Variants in TSHR observed in about 807,000 individuals in gnomAD.
TSHR encodes the protein thyrotropin receptor.
A neutral mutation model predicts 64.1 loss-of-function variants in TSHR; 51 were observed. That is an observed-to-expected ratio of 0.80 (90% CI 0.64 to 1.01). The LOEUF is 1.01. Among genes scored for constraint, TSHR ranks in the 50% least tolerant of loss-of-function variants. The pLI, the probability that TSHR is intolerant of heterozygous loss-of-function variation, is 0.00. For missense variants in TSHR, 877 were observed against 942.8 expected, an observed-to-expected ratio of 0.93 and a Z score of 0.91; for synonymous variants, 361 against 361.9, an observed-to-expected ratio of 1.00 and a Z score of 0.03.
intron 3 of TSHR, among the ~76,000 whole-genome samples, chr14:81,085,108 T>C (rs1485301879): frequency 6.6e-6 from 1 of 152,104 alleles, no homozygotes; most frequent in East Asian, 1.9e-4. Flanking sequence ...ATTACAGACA[T>C]AAGCCACCAC....
chr14:80,959,784 G>A (rs1886918809), intron 1 of TSHR, among the ~76,000 whole-genome samples: 1 of 152,124 alleles, frequency 6.6e-6, no homozygotes, highest in African/African-American at 2.4e-5. Flanking sequence ...CTAATTGATG[G>A]ACTCTCCTAC....
At chr14:80,976,085 GT>G (rs1887857570) in intron 1 of TSHR, among the ~76,000 whole-genome samples, 1 of 152,072 alleles carries the variant, frequency 6.6e-6, no homozygotes, top group Non-Finnish European at 1.5e-5. Flanking sequence ...CTAATTTTTT[GT>G]ATTTTTACTA....
chr14:81,110,579 A>G (rs1368957009), intron 8 of TSHR, among the ~76,000 whole-genome samples: 1 of 152,264 alleles, frequency 6.6e-6, no homozygotes, highest in African/African-American at 2.4e-5. Context: ...CCATAGCTCT[A>G]GCAAAGTAAT....
At chr14:80,980,800 A>G (rs2139720490) in intron 1 of TSHR, among the ~76,000 whole-genome samples, 1 of 152,226 alleles carries the variant, frequency 6.6e-6, no homozygotes, top group Middle Eastern at 3.4e-3. Context: ...TGTGTTTTCT[A>G]ATATGATATC....
chr14:81,070,254 C>T lies in TSHR; in HGVS notation c.317+1926C>T, dbSNP rs143125683. ...CGTATGTTAGAAGTACTGCAAACCCCGAAAGGATAAATACGAAGAAAGCTA... is the reference window on the plus strand; with the variant it reads ...CGTATGTTAGAAGTACTGCAAACCCTGAAAGGATAAATACGAAGAAAGCTA... On this transcript the variant is annotated intron_variant, in intron 3 of 9. Transcript: ENST00000298171. Among the ~76,000 whole-genome samples the T allele has an allele frequency of 2.5e-3, 373 of 152,092 alleles. 2 individuals carry two copies. The highest frequency in any genetic ancestry group is 8.6e-3 in the African/African-American group (357 of 41,500).
chr14:81,111,105 T>C (rs974008106), intron 8 of TSHR, among the ~76,000 whole-genome samples: 3 of 152,196 alleles, frequency 2.0e-5, no homozygotes, highest in South Asian at 4.1e-4. Flanking sequence ...TTTTTACTTA[T>C]TAATATGTGA....
At chr14:81,022,397 G>A (rs975477342) in intron 1 of TSHR, among the ~76,000 whole-genome samples, 3 of 152,228 alleles carry the variant, frequency 2.0e-5, no homozygotes, top group African/African-American at 7.2e-5. Flanking sequence ...TTCTGGCTGT[G>A]GCTGAGGGGG....
chr14:80,986,297 A>G (rs1270587661), intron 1 of TSHR, among the ~76,000 whole-genome samples: 1 of 152,156 alleles, frequency 6.6e-6, no homozygotes, highest in Non-Finnish European at 1.5e-5. Context: ...GAGAGCTGGT[A>G]AAAAATACAG....
chr14:81,079,342 C>G (rs1887727548), intron 3 of TSHR, among the ~76,000 whole-genome samples: 1 of 152,144 alleles, frequency 6.6e-6, no homozygotes, highest in African/African-American at 2.4e-5. Context: ...GGCCAGCACT[C>G]CACTAAAAGT....
Position 81,130,927 on chromosome 14 carries a change from C to A in TSHR, c.693-8752C>A, listed in dbSNP as rs1449334031. ...AATGGCGTGAACCCGGGAAGCGGAG[C>A]TTGCAGTGAGCCGAGATTGCGCCAC... On this transcript the variant is annotated intron_variant, in intron 8 of 9. Coordinates refer to ENST00000298171, the MANE Select transcript of TSHR (RefSeq NM_000369.5). Among the ~76,000 whole-genome samples, 4 of 87,730 alleles carry A rather than the reference C, an allele frequency of 4.6e-5. No individual in the cohort carries two copies. In the South Asian group the frequency reaches 1.9e-3, roughly 42 times the overall value. 57.6% of individuals were successfully genotyped at this position (87,730 alleles called of 152,430 possible). A position where few individuals can be genotyped will look rare whatever the true frequency, so the allele number is the denominator to read the frequency against.
intron 7 of TSHR, among the ~76,000 whole-genome samples, chr14:81,106,417 AT>A (rs1407898463): frequency 6.6e-6 from 1 of 152,174 alleles, no homozygotes; most frequent in Non-Finnish European, 1.5e-5. Context: ...AAGTATGTTG[AT>A]TTATTTTCTA....
At chr14:80,986,229 T>C (rs910270519) in intron 1 of TSHR, among the ~76,000 whole-genome samples, 10 of 152,174 alleles carry the variant, frequency 6.6e-5, no homozygotes, top group African/African-American at 1.9e-4. Flanking sequence ...ATCTTTCAGT[T>C]CCTAGATTAT....
chr14:81,120,825 T>C (rs1162420513), intron 8 of TSHR, among the ~76,000 whole-genome samples: 1 of 152,102 alleles, frequency 6.6e-6, no homozygotes, highest in Non-Finnish European at 1.5e-5. Context: ...TTATAACAAA[T>C]ATCCTCAGAG....
Position 81,142,946 on chromosome 14 carries a change from T to C in TSHR, c.888T>C (p.Leu296=). Reference sequence around the variant, plus strand: ...CTTTTCTGTTGCCTTGCAGAATCCTTGAGTCCTTGATGTGTAATGAGAGCA... The same window carrying C: ...CTTTTCTGTTGCCTTGCAGAATCCTCGAGTCCTTGATGTGTAATGAGAGCA... ...FKNQKKIRGI[L]ESLMCNESSM... is the part of the protein sequence containing the mutation. Residue 296 remains leucine (L), a synonymous_variant, in exon 10 of 10, where the codon CTT becomes CTC. Transcript: ENST00000298171. 1.2e-6 allele frequency: 2 copies of C among 1,614,062 alleles called. No homozygotes were observed. Among genetic ancestry groups the C allele is most frequent in the Non-Finnish European group, 8.5e-7 (1 of 1,180,000 alleles).
intron 1 of TSHR, among the ~76,000 whole-genome samples, chr14:81,020,674 T>G (rs1187096468): frequency 6.6e-6 from 1 of 152,196 alleles, no homozygotes; most frequent in Admixed American, 6.5e-5. Flanking sequence ...ATCAAAACCC[T>G]AAAAGTGAGT....
chr14:81,066,305 C>T (rs1595038500), intron 2 of TSHR, among the ~76,000 whole-genome samples: 3 of 152,338 alleles, frequency 2.0e-5, no homozygotes, highest in Non-Finnish European at 2.9e-5. Context: ...ATGAATCTTG[C>T]TCTGCTAGCT....
At chr14:80,997,220 G>A (rs1889069750) in intron 1 of TSHR, among the ~76,000 whole-genome samples, 1 of 152,134 alleles carries the variant, frequency 6.6e-6, no homozygotes. Flanking sequence ...AAAGCTCCAT[G>A]CTTTTCATCT....
rs766175371 is a variant in TSHR at position 81,143,754 on chromosome 14, G to A, written c.1696G>A (p.Val566Ile). 6.8e-6 allele frequency: 11 copies of A among 1,614,020 alleles called. No homozygotes were observed. The South Asian group carries it at 1.1e-4, about 16-fold the overall frequency. The stretch of plus-strand genomic sequence containing the variant: ...GGTGGGAATAAGTAGCTATGCCAAA[G>A]TCAGTATCTGCCTGCCCATGGACAC... ...PLVGISSYAK[V>I]SICLPMDTET... The change falls in exon 10 of 10, where the codon GTC (valine) becomes ATC (isoleucine). Residue 566 changes from valine to isoleucine, a missense_variant. Coordinates refer to ENST00000298171, the MANE Select transcript of TSHR (RefSeq NM_000369.5).
intron 1 of TSHR, among the ~76,000 whole-genome samples, chr14:81,024,785 T>C (rs533736793): frequency 4.6e-5 from 7 of 152,300 alleles, no homozygotes; most frequent in Admixed American, 2.6e-4. Context: ...GCAGTTCAAC[T>C]TTTTCCTGTC....
Sources: allele counts gnomAD v4.1 joint callset (sites outside exome capture counted in the v4.1 genomes callset), GRCh38; gene constraint gnomAD v4.1.1; transcripts MANE v1.5; gene names NCBI Gene and HGNC (gene_info 2026-07-23, HGNC 2026-07-21).